The following CSMD2 variants were observed in gnomAD, a reference collection of about 807,000 sequenced individuals.
CSMD2 encodes the protein CUB and sushi domain-containing protein 2.
CSMD2 carries 130 observed loss-of-function variants against 398.5 expected under a neutral mutation model. That is an observed-to-expected ratio of 0.33 (90% CI 0.28 to 0.38). CSMD2 has a LOEUF of 0.38. Ranked by LOEUF, CSMD2 falls within the 10% of genes least tolerant of loss-of-function variation. The pLI is 1.00. For missense variants in CSMD2, 3,829 were observed against 4,764.9 expected (o/e 0.80, Z 5.78); for synonymous variants, 1,828 against 1,908.5 (o/e 0.96, Z 1.10).
chr1:33,561,507 G>A (rs1481567508), intron 53 of CSMD2, among the ~76,000 whole-genome samples: 1 of 152,202 alleles, frequency 6.6e-6, no homozygotes, highest in African/African-American at 2.4e-5. Flanking sequence ...TCTACTGAGT[G>A]CCTTTTATGA....
At chr1:33,908,085 C>CAAAAAAAAAAAAAA (rs35932181) in intron 5 of CSMD2, among the ~76,000 whole-genome samples, 8 of 77,162 alleles carry the variant, frequency 1.0e-4, no homozygotes, top group East Asian at 4.0e-4. Context: ...GACTCCATCT[C>CAAAAAAAAAAAAAA]AAAAAAAAAA....
At chr1:34,081,801 C>A (rs1383568396) in intron 2 of CSMD2, among the ~76,000 whole-genome samples, 1 of 152,218 alleles carries the variant, frequency 6.6e-6, no homozygotes, top group Non-Finnish European at 1.5e-5. Context: ...GCTGACATTG[C>A]CGCCTCTGCA....
At chr1:33,786,727 A>G (rs1400269848) in intron 12 of CSMD2, among the ~76,000 whole-genome samples, 2 of 152,282 alleles carry the variant, frequency 1.3e-5, no homozygotes, top group South Asian at 4.2e-4. Context: ...CAGGATCTGC[A>G]CTCAGAGTCT....
intron 59 of CSMD2, 104 bp from the exon 60 acceptor site, chr1:33,540,802 G>T: frequency 7.6e-7 from 1 of 1,313,992 alleles, no homozygotes; most frequent in Non-Finnish European, 1.1e-6. Flanking sequence ...CCTAGAGCCT[G>T]GGCTAAACAG....
chr1:33,571,049 T>C (rs532052963), intron 51 of CSMD2, among the ~76,000 whole-genome samples: 8 of 152,266 alleles, frequency 5.3e-5, no homozygotes, highest in African/African-American at 1.9e-4. Flanking sequence ...AGAAAAACAA[T>C]TGACAATGGA....
At chr1:33,820,645 G>T (rs1658031668) in intron 7 of CSMD2, 89 bp from the exon 8 acceptor site, 1 of 874,278 alleles carries the variant, frequency 1.1e-6, no homozygotes, top group East Asian at 2.4e-5. Context: ...AATGTCTCAG[G>T]GTGGGAGGTG....
intron 2 of CSMD2, among the ~76,000 whole-genome samples, chr1:34,070,092 C>A (rs1313317357): frequency 6.6e-6 from 1 of 152,180 alleles, no homozygotes; most frequent in Non-Finnish European, 1.5e-5. Context: ...TAAAGAAAAT[C>A]TTTACTCTTC....
chr1:33,614,384 G>C, intron 40 of CSMD2, 120 bp downstream of exon 40: 1 of 677,468 alleles, frequency 1.5e-6, no homozygotes, highest in Non-Finnish European at 2.7e-6. Flanking sequence ...AGAAAACAGA[G>C]AGGCAGAGTA....
intron 1 of CSMD2, among the ~76,000 whole-genome samples, chr1:34,090,508 G>A (rs747934759): frequency 6.6e-6 from 1 of 151,840 alleles, no homozygotes; most frequent in Non-Finnish European, 1.5e-5. Flanking sequence ...GGATGCTCTC[G>A]ATGTCCCCCC....
chr1:33,850,168 C>A (rs890630449), intron 5 of CSMD2, among the ~76,000 whole-genome samples: 2 of 152,160 alleles, frequency 1.3e-5, no homozygotes, highest in Admixed American at 1.3e-4. Context: ...ACAAATGTCA[C>A]CTTCTCAGTG....
At chr1:33,866,097 C>A (rs1007242447) in intron 5 of CSMD2, among the ~76,000 whole-genome samples, 1 of 152,162 alleles carries the variant, frequency 6.6e-6, no homozygotes, top group Non-Finnish European at 1.5e-5. Context: ...TACTCTACTG[C>A]GCTGAACAGT....
At chr1:33,802,222 G>A (rs1655688513) in intron 10 of CSMD2, among the ~76,000 whole-genome samples, 1 of 152,180 alleles carries the variant, frequency 6.6e-6, no homozygotes, top group African/African-American at 2.4e-5. Context: ...ATGTGGAGTA[G>A]GCCTGCATCA....
chr1:33,856,867 G>A (rs1282115435), intron 5 of CSMD2, among the ~76,000 whole-genome samples: 2 of 151,898 alleles, frequency 1.3e-5, no homozygotes, highest in East Asian at 1.9e-4. Context: ...TCACTTCTCT[G>A]AGCCCTTCTT....
At chr1:33,802,913 TTCTC>T (rs933583054) in intron 10 of CSMD2, among the ~76,000 whole-genome samples, 1 of 152,012 alleles carries the variant, frequency 6.6e-6, no homozygotes, top group Non-Finnish European at 1.5e-5. Flanking sequence ...ACCCCAAACT[TTCTC>T]TCTATCTTAT....
Position 34,079,965 on chromosome 1 carries a change from G to A in CSMD2, c.404+9012C>T, listed in dbSNP as rs576223585. The stretch of plus-strand genomic sequence containing the variant: ...TTAAAGGATAGTGACTCTTAGCCAG[G>A]ATTTTTTAAAAATTTAACTACTGTG... On this transcript the variant is annotated intron_variant, in intron 2 of 70. Coordinates refer to ENST00000373381, the MANE Select transcript of CSMD2 (RefSeq NM_001281956.2). Among the ~76,000 whole-genome samples the A allele has an allele frequency of 3.5e-3, 530 of 151,806 alleles. 3 individuals are homozygous for A. Among genetic ancestry groups the A allele is most frequent in the Non-Finnish European group, 5.0e-3 (342 of 67,906 alleles).
At chr1:33,910,388 A>G (rs1002322716) in intron 5 of CSMD2, among the ~76,000 whole-genome samples, 35 of 152,270 alleles carry the variant, frequency 2.3e-4, no homozygotes, top group African/African-American at 7.9e-4. Context: ...CTTACCCCTC[A>G]GTTCAACTCA....
Position 33,571,576 on chromosome 1 carries a change from G to A in CSMD2, c.7913C>T (p.Ala2638Val). 1 of 1,538,448 alleles carries A rather than the reference G, an allele frequency of 6.5e-7. No individual in the cohort carries two copies. Among genetic ancestry groups the A allele is most frequent in the Non-Finnish European group, 8.9e-7 (1 of 1,129,886 alleles). Reference protein sequence around the residue: ...YTGQRVIRCQANGKWSLGDST... With the variant: ...YTGQRVIRCQVNGKWSLGDST... ...GTCCCCGAGGCTCCATTTGCCATTG[G>A]CCTGACAGCGGATGACCCTTTGGCC... Residue 2638 changes from alanine to valine, a missense_variant, in exon 51 of 71, where the codon GCC (alanine) becomes GTC (valine). By Grantham distance (64) the Ala-to-Val change is moderately conservative. This residue lies in a region of CSMD2 where 723 missense variants were observed against 758.6 expected (regional missense o/e 0.95). Coordinates refer to ENST00000373381, the MANE Select transcript of CSMD2 (RefSeq NM_001281956.2).
chr1:33,760,518 C>A (rs1420999404), intron 13 of CSMD2, among the ~76,000 whole-genome samples: 1 of 152,142 alleles, frequency 6.6e-6, no homozygotes, highest in African/African-American at 2.4e-5. Context: ...AAAGTTGGAG[C>A]AAATATGAAT....
intron 24 of CSMD2, among the ~76,000 whole-genome samples, chr1:33,694,261 G>A (rs1472729620): frequency 6.6e-6 from 1 of 152,168 alleles, no homozygotes; most frequent in African/African-American, 2.4e-5. Context: ...AGGGGACAAC[G>A]GGGAGTGGCT....
Sources: allele counts gnomAD v4.1 joint callset (sites outside exome capture counted in the v4.1 genomes callset), GRCh38; gene constraint gnomAD v4.1.1; regional missense constraint gnomAD v4.1.1; transcripts MANE v1.5; gene names NCBI Gene and HGNC (gene_info 2026-07-23, HGNC 2026-07-21).